The following RPS6KC1 variants were observed in gnomAD, a reference collection of about 807,000 sequenced individuals.
RPS6KC1 encodes inactive ribosomal protein S6 kinase delta-1.
Under a neutral mutation model 103.8 loss-of-function variants are expected in RPS6KC1, and 54 were observed. The ratio of observed to expected loss-of-function variants is 0.52; its 90% CI spans 0.42 to 0.65. The LOEUF is 0.65. Among genes scored for constraint, RPS6KC1 ranks in the 30% least tolerant of loss-of-function variants. The pLI is 0.00. For missense variants in RPS6KC1, 1,151 were observed against 1,253.8 expected (o/e 0.92, Z 1.24); for synonymous variants, 439 against 438.7 (o/e 1.00, Z -0.01).
the RPS6KC1 span, among the ~76,000 whole-genome samples, chr1:213,578,836 T>A: frequency 6.6e-6 from 1 of 152,070 alleles, no homozygotes; most frequent in Non-Finnish European, 1.5e-5. Context: ...TGTGGACTTT[T>A]GAGTTAATGC....
At chr1:213,539,640 C>T in the RPS6KC1 span, among the ~76,000 whole-genome samples, 1 of 152,336 alleles carries the variant, frequency 6.6e-6, no homozygotes, top group South Asian at 2.1e-4. Context: ...ATTGTTCTTG[C>T]ACAACATGCC....
the RPS6KC1 span, among the ~76,000 whole-genome samples, chr1:213,629,634 A>G: frequency 4.6e-5 from 7 of 152,124 alleles, no homozygotes; most frequent in Non-Finnish European, 1.0e-4. Context: ...TTATGATGTT[A>G]GCTGGTTATT....
the RPS6KC1 span, among the ~76,000 whole-genome samples, chr1:213,478,213 G>C: frequency 6.6e-6 from 1 of 152,056 alleles, no homozygotes; most frequent in Non-Finnish European, 1.5e-5. Flanking sequence ...TTTTAGTGCT[G>C]AGTAATATTC....
chr1:213,071,409 G>A (rs1021950130), intron 2 of RPS6KC1, among the ~76,000 whole-genome samples: 4 of 152,142 alleles, frequency 2.6e-5, no homozygotes, highest in Admixed American at 6.6e-5. Flanking sequence ...GATTACAGAC[G>A]TGAGCCACTG....
chr1:213,709,944 T>A, the RPS6KC1 span, among the ~76,000 whole-genome samples: 1 of 152,220 alleles, frequency 6.6e-6, no homozygotes, highest in Non-Finnish European at 1.5e-5. Context: ...TCCAATTATG[T>A]GGTCGATTTT....
At chr1:213,473,655 A>C in the RPS6KC1 span, among the ~76,000 whole-genome samples, 3 of 152,168 alleles carry the variant, frequency 2.0e-5, no homozygotes, top group African/African-American at 4.8e-5. Flanking sequence ...GCCCTAAAAC[A>C]TCCAACCTCC....
At chr1:213,156,705 G>A (rs1262070133) in intron 6 of RPS6KC1, among the ~76,000 whole-genome samples, 2 of 152,056 alleles carry the variant, frequency 1.3e-5, no homozygotes, top group Non-Finnish European at 2.9e-5. Context: ...TAGAGAAAAA[G>A]GTGGAAAAAA....
chr1:213,490,468 T>C, the RPS6KC1 span, among the ~76,000 whole-genome samples: 4 of 152,140 alleles, frequency 2.6e-5, no homozygotes, highest in Non-Finnish European at 5.9e-5. Context: ...CTGTATGAGG[T>C]GAAGCGGGCC....
chr1:213,103,727 A>G lies in RPS6KC1; in HGVS notation c.263-727A>G, dbSNP rs985101743. On this transcript the variant is annotated intron_variant, in intron 3 of 14. Transcript: ENST00000366960. ...TCTGATTTTGTATTTTTTTATTGCA[A>G]TCAGTATGATATATGGCATATGATA... 2.0e-5 allele frequency among the ~76,000 whole-genome samples: 3 copies of G among 152,198 alleles called. No homozygotes were observed. In the East Asian group the frequency reaches 5.8e-4, roughly 29 times the overall value.
chr1:213,662,944 C>T, the RPS6KC1 span, among the ~76,000 whole-genome samples: 1 of 152,152 alleles, frequency 6.6e-6, no homozygotes, highest in Non-Finnish European at 1.5e-5. Flanking sequence ...CTACAGCATC[C>T]GAGAAGTGTT....
chr1:213,224,879 T>G (rs2093922310), intron 8 of RPS6KC1, among the ~76,000 whole-genome samples: 1 of 152,210 alleles, frequency 6.6e-6, no homozygotes, highest in Admixed American at 6.5e-5. Flanking sequence ...CACTGTTCAT[T>G]AAGAAATGAC....
At chr1:213,746,894 A>T in the RPS6KC1 span, among the ~76,000 whole-genome samples, 1 of 152,190 alleles carries the variant, frequency 6.6e-6, no homozygotes, top group Non-Finnish European at 1.5e-5. Flanking sequence ...GAAGATCTTG[A>T]GTTGAGTCTT....
the RPS6KC1 span, among the ~76,000 whole-genome samples, chr1:213,728,637 G>A: frequency 2.6e-5 from 4 of 152,108 alleles, no homozygotes; most frequent in African/African-American, 7.2e-5. Context: ...TTTGCAGGCG[G>A]GGCCACTCCC....
chr1:213,220,330 C>T (rs2093799541), intron 8 of RPS6KC1, among the ~76,000 whole-genome samples: 1 of 151,998 alleles, frequency 6.6e-6, no homozygotes, highest in East Asian at 1.9e-4. Context: ...GCATCTGTTG[C>T]CATTTTATGT....
the RPS6KC1 span, among the ~76,000 whole-genome samples, chr1:213,626,156 T>G: frequency 6.6e-6 from 1 of 152,242 alleles, no homozygotes; most frequent in African/African-American, 2.4e-5. Context: ...ATTGTGTTTT[T>G]GATTTGCATT....
At chr1:213,829,263 T>G in the RPS6KC1 span, among the ~76,000 whole-genome samples, 1 of 112,958 alleles carries the variant, frequency 8.9e-6, no homozygotes, top group African/African-American at 3.6e-5. Context: ...AGACCTCGTT[T>G]GTTTCAAAAA....
chr1:213,665,233 G>A, the RPS6KC1 span, among the ~76,000 whole-genome samples: 1 of 151,204 alleles, frequency 6.6e-6, no homozygotes, highest in African/African-American at 2.4e-5. Flanking sequence ...CACATTTTTC[G>A]ATGTCAAAAT....
chr1:213,259,735 T>A (rs1235099142), intron 12 of RPS6KC1, among the ~76,000 whole-genome samples: 1 of 19,242 alleles, frequency 5.2e-5, no homozygotes, highest in African/African-American at 6.1e-5. Flanking sequence ...GTTTTTTTAA[T>A]TTTTTTTTTT....
At chr1:213,489,022 A>G in the RPS6KC1 span, among the ~76,000 whole-genome samples, 1 of 152,200 alleles carries the variant, frequency 6.6e-6, no homozygotes, top group Non-Finnish European at 1.5e-5. Context: ...TTATAATGCT[A>G]TTTGCAAGAA....
Sources: allele counts gnomAD v4.1 joint callset (sites outside exome capture counted in the v4.1 genomes callset), GRCh38; gene constraint gnomAD v4.1.1; transcripts MANE v1.5; gene names NCBI Gene and HGNC (gene_info 2026-07-23, HGNC 2026-07-21).